SRGAP3: variants seen among roughly 807,000 people sequenced by gnomAD.
The protein encoded by SRGAP3 is SLIT-ROBO Rho GTPase-activating protein 3.
A neutral mutation model predicts 121.1 loss-of-function variants in SRGAP3; 39 were observed. The ratio of observed to expected loss-of-function variants is 0.32; its 90% CI spans 0.25 to 0.42. The LOEUF is 0.42. Among genes scored for constraint, SRGAP3 ranks in the 10% least tolerant of loss-of-function variants. The pLI, the probability that SRGAP3 is intolerant of heterozygous loss-of-function variation, is 1.00. For missense variants in SRGAP3, 1,213 were observed against 1,470.6 expected, an observed-to-expected ratio of 0.82 and a Z score of 2.86; for synonymous variants, 601 against 570.0, an observed-to-expected ratio of 1.05 and a Z score of -0.77.
At chr3:9,234,592 G>A (rs533255056) in intron 1 of SRGAP3, among the ~76,000 whole-genome samples, 5 of 152,194 alleles carry the variant, frequency 3.3e-5, no homozygotes, top group East Asian at 1.9e-4. Flanking sequence ...ATCTCTCAGC[G>A]AGAACTCTAC....
chr3:9,102,458 A>G (rs1948253587), intron 3 of SRGAP3, among the ~76,000 whole-genome samples: 1 of 152,054 alleles, frequency 6.6e-6, no homozygotes, highest in Admixed American at 6.6e-5. Context: ...TTACTTCCTC[A>G]CCTGTAAAAT....
intron 1 of SRGAP3, among the ~76,000 whole-genome samples, chr3:9,199,227 C>T (rs1289128253): frequency 6.6e-6 from 1 of 152,218 alleles, no homozygotes; most frequent in East Asian, 1.9e-4. Flanking sequence ...TCAGAGCACA[C>T]TCCCGCGACT....
chr3:9,216,886 T>C (rs1014965815), intron 1 of SRGAP3: 5 of 152,118 alleles, frequency 3.3e-5, no homozygotes, highest in African/African-American at 1.2e-4. Flanking sequence ...CCCTGAAGCA[T>C]TACGCTAACT....
At chr3:9,250,415 G>GA (rs1559243270), upstream of SRGAP3, among the ~76,000 whole-genome samples, 1 of 152,182 alleles carries the variant, frequency 6.6e-6, no homozygotes, top group Non-Finnish European at 1.5e-5. Context: ...CACCCCTGGA[G>GA]TAGAAAGCAT....
chr3:9,352,700 C>T (rs1299437282), intron 1 of SRGAP3, among the ~76,000 whole-genome samples: 1 of 152,196 alleles, frequency 6.6e-6, no homozygotes, highest in Non-Finnish European at 1.5e-5. Context: ...AAGAGCTCTG[C>T]AGCTGGGGTC....
intron 1 of SRGAP3, among the ~76,000 whole-genome samples, chr3:9,359,289 G>A (rs897192956): frequency 6.6e-6 from 1 of 152,150 alleles, no homozygotes; most frequent in African/African-American, 2.4e-5. Context: ...TGTTCTCCTT[G>A]GAGGGTCCAT....
At chr3:9,130,013 C>A (rs142267833) in intron 1 of SRGAP3, among the ~76,000 whole-genome samples, 1 of 152,070 alleles carries the variant, frequency 6.6e-6, no homozygotes, top group Non-Finnish European at 1.5e-5. Flanking sequence ...CTGCCCACCT[C>A]GGCCTCCCAA....
intron 2 of SRGAP3, among the ~76,000 whole-genome samples, chr3:9,114,429 T>A (rs1468690121): frequency 6.6e-6 from 1 of 152,198 alleles, no homozygotes; most frequent in Non-Finnish European, 1.5e-5. Context: ...TTGGTTTTTC[T>A]CCTCCATTAC....
chr3:9,020,719 A>C (rs930592266), intron 14 of SRGAP3, among the ~76,000 whole-genome samples: 3 of 152,164 alleles, frequency 2.0e-5, no homozygotes, highest in Non-Finnish European at 4.4e-5. Context: ...GGCTCTCTGC[A>C]AGCTAGTCAG....
intron 1 of SRGAP3, among the ~76,000 whole-genome samples, chr3:9,190,722 C>A (rs1163588995): frequency 6.6e-6 from 1 of 152,098 alleles, no homozygotes; most frequent in Non-Finnish European, 1.5e-5. Flanking sequence ...AGCCAAATGA[C>A]AAAACAAACA....
chr3:9,301,300 G>A (rs905387934), intron 3 of SRGAP3, among the ~76,000 whole-genome samples: 4 of 152,198 alleles, frequency 2.6e-5, no homozygotes, highest in South Asian at 2.1e-4. Context: ...CATTACATCC[G>A]GGATGGCCCA....
At chr3:9,135,153 C>G (rs576395540) in intron 1 of SRGAP3, among the ~76,000 whole-genome samples, 1 of 152,206 alleles carries the variant, frequency 6.6e-6, no homozygotes. Context: ...GTTAAACCAT[C>G]CTGGACAGTG....
At position 9,230,084 on chromosome 3, in the gene SRGAP3, C is replaced by T. The variant is rs894658330; in HGVS notation, c.67+18801G>A. Among the ~76,000 whole-genome samples the T allele has an allele frequency of 9.2e-5, 14 of 152,330 alleles. 1 individual carries two copies. The East Asian group carries it at 1.5e-3, about 17-fold the overall frequency. ...AACCCAGACTCCAGAGCCTGCAGCGCGGCTCTTACAGTTGTGATTTATTAA... is the reference window on the plus strand; with the variant it reads ...AACCCAGACTCCAGAGCCTGCAGCGTGGCTCTTACAGTTGTGATTTATTAA... On this transcript the variant is annotated intron_variant, in intron 1 of 21. Transcript: ENST00000383836.
At chr3:9,259,238 T>C (rs1388961848) in intron 3 of SRGAP3, among the ~76,000 whole-genome samples, 1 of 152,162 alleles carries the variant, frequency 6.6e-6, no homozygotes, top group Non-Finnish European at 1.5e-5. Flanking sequence ...GCTACCACAT[T>C]TGAAGTTATC....
At chr3:9,300,153 CCACCACCATCATCATCTTCATCAT>C in intron 3 of SRGAP3, among the ~76,000 whole-genome samples, 1 of 144,592 alleles carries the variant, frequency 6.9e-6, no homozygotes, top group Non-Finnish European at 1.5e-5. Context: ...ACCATCGTCA[CCACCACCATCATCATCTTCATCAT>C]CACCACCATC....
At chr3:8,993,102 C>G in intron 19 of SRGAP3, 47 bp from the exon 20 acceptor site, 2 of 1,611,206 alleles carry the variant, frequency 1.2e-6, no homozygotes, top group Non-Finnish European at 1.7e-6. Context: ...CCCCAAAGAA[C>G]CCAGCATATA....
chr3:9,026,937 T>G lies in SRGAP3; in HGVS notation c.1598A>C (p.Tyr533Ser). 2 of 1,614,192 alleles carry G rather than the reference T, an allele frequency of 1.2e-6. No individual in the cohort carries two copies. The highest frequency in any genetic ancestry group is 8.5e-7 in the Non-Finnish European group (1 of 1,180,030). ...CACTGGCCCAAGATCCAGCTTACCA[T>G]ATAAATTGATGTAACGGATGCAGCT... Reference protein sequence around the residue: ...VESCIRYINLYGLQQQGIFRV... With the variant: ...VESCIRYINLSGLQQQGIFRV... Residue 533 changes from tyrosine to serine, a missense_variant and splice_region_variant, in exon 13 of 22, where the codon TAT (tyrosine) becomes TCT (serine). Physicochemically the swap from Tyr to Ser is moderately radical, Grantham distance 144 (BLOSUM62 -2). Around this residue, in one of 2 missense-constraint regions of SRGAP3, gnomAD observed 793 missense variants for 1,032.9 expected, o/e 0.77. Transcript: ENST00000383836.
chr3:9,155,009 T>C (rs1465274831), intron 1 of SRGAP3, among the ~76,000 whole-genome samples: 1 of 152,024 alleles, frequency 6.6e-6, no homozygotes, highest in Non-Finnish European at 1.5e-5. Context: ...TTTTTTGTTT[T>C]TTTTTTGCAT....
intron 3 of SRGAP3, among the ~76,000 whole-genome samples, chr3:9,304,136 C>T (rs1427783356): frequency 6.6e-6 from 1 of 152,198 alleles, no homozygotes; most frequent in Non-Finnish European, 1.5e-5. Context: ...ACCAGTTAGT[C>T]CACAACAGTA....
Sources: allele counts gnomAD v4.1 joint callset (sites outside exome capture counted in the v4.1 genomes callset), GRCh38; gene constraint gnomAD v4.1.1; regional missense constraint gnomAD v4.1.1; transcripts MANE v1.5; gene names NCBI Gene and HGNC (gene_info 2026-07-23, HGNC 2026-07-21).